The following NKAIN2 variants were observed in gnomAD, a reference collection of about 807,000 sequenced individuals.
The protein encoded by NKAIN2 is sodium/potassium transporting ATPase interacting 2.
NKAIN2 carries 14 observed loss-of-function variants against 32.6 expected under a neutral mutation model. That is an observed-to-expected ratio of 0.43 (90% CI 0.28 to 0.67). The LOEUF (loss-of-function observed/expected upper bound fraction) is 0.67. Among genes scored for constraint, NKAIN2 ranks in the 30% least tolerant of loss-of-function variants. The probability of loss-of-function intolerance (pLI) is 0.17; values close to 1 mark genes in which losing one functional copy is unlikely to be tolerated. For synonymous variants in NKAIN2, 80 were observed against 87.2 expected (o/e 0.92, Z 0.46); for missense variants, 198 against 258.3 (o/e 0.77, Z 1.60).
chr6:124,645,926 A>T (rs1479697529), intron 3 of NKAIN2, among the ~76,000 whole-genome samples: 1 of 152,158 alleles, frequency 6.6e-6, no homozygotes, highest in Non-Finnish European at 1.5e-5. Context: ...GAATAGTGTT[A>T]CCCACTGCCT....
At chr6:123,969,189 G>T (rs937463186) in intron 1 of NKAIN2, among the ~76,000 whole-genome samples, 3 of 152,198 alleles carry the variant, frequency 2.0e-5, no homozygotes, top group Admixed American at 6.6e-5. Context: ...TTTCCAGTGA[G>T]ACTTACCCTG....
chr6:124,370,372 C>T (rs1799703938), intron 3 of NKAIN2, among the ~76,000 whole-genome samples: 1 of 151,872 alleles, frequency 6.6e-6, no homozygotes, highest in Non-Finnish European at 1.5e-5. Flanking sequence ...CAGCCTGATG[C>T]AATCAGAAAG....
At chr6:124,075,794 C>T (rs1582592040) in intron 1 of NKAIN2, among the ~76,000 whole-genome samples, 1 of 152,108 alleles carries the variant, frequency 6.6e-6, no homozygotes, top group East Asian at 1.9e-4. Context: ...CCAAGTTTCC[C>T]CATGTTGGCC....
chr6:124,554,918 C>T (rs966131771), intron 3 of NKAIN2, among the ~76,000 whole-genome samples: 1 of 152,178 alleles, frequency 6.6e-6, no homozygotes, highest in Non-Finnish European at 1.5e-5. Context: ...AACCTGCTGG[C>T]ATCTGCTGCT....
chr6:124,675,477 T>A (rs1773312776), intron 4 of NKAIN2, among the ~76,000 whole-genome samples: 1 of 152,142 alleles, frequency 6.6e-6, no homozygotes, highest in South Asian at 2.1e-4. Context: ...GCATGAATAG[T>A]TCCTTAAATG....
At position 124,469,488 on chromosome 6, in the gene NKAIN2, A is replaced by T. The variant is rs544342686; in HGVS notation, c.273+114141A>T. Among the ~76,000 whole-genome samples the T allele has an allele frequency of 1.2e-3, 185 of 152,304 alleles. 1 individual carries two copies. Among genetic ancestry groups the T allele is most frequent in the African/African-American group, 4.3e-3 (177 of 41,572 alleles). ...AATGAAAAATACTCTCTCTGTTTCT[A>T]ATTCAAGCCATTTTTATTCAGTGTT... On this transcript the variant is annotated intron_variant, in intron 3 of 6. Coordinates refer to ENST00000368417, the MANE Select transcript of NKAIN2 (RefSeq NM_001040214.3).
At chr6:124,807,027 C>A (rs941371769) in intron 5 of NKAIN2, among the ~76,000 whole-genome samples, 19 of 152,132 alleles carry the variant, frequency 1.2e-4, no homozygotes, top group Admixed American at 5.9e-4. Flanking sequence ...TACACTCCCA[C>A]ACATTAATAA....
chr6:124,531,507 C>CT (rs1439650444), intron 3 of NKAIN2, among the ~76,000 whole-genome samples: 3 of 152,020 alleles, frequency 2.0e-5, no homozygotes, highest in Non-Finnish European at 2.9e-5. Flanking sequence ...CTGTGTTTTC[C>CT]TTTTTTGTAG....
intron 1 of NKAIN2, among the ~76,000 whole-genome samples, chr6:124,035,224 T>A (rs1261532821): frequency 1.3e-5 from 2 of 152,108 alleles, no homozygotes; most frequent in African/African-American, 4.8e-5. Context: ...TTTTCCAACA[T>A]AAAACCAATA....
chr6:124,516,226 G>A (rs1300481933), intron 3 of NKAIN2, among the ~76,000 whole-genome samples: 1 of 152,096 alleles, frequency 6.6e-6, no homozygotes, highest in Non-Finnish European at 1.5e-5. Context: ...AATAGAGTAA[G>A]GGAAATTGAT....
At chr6:124,254,073 C>T (rs1352542070) in intron 1 of NKAIN2, among the ~76,000 whole-genome samples, 1 of 152,040 alleles carries the variant, frequency 6.6e-6, no homozygotes, top group Non-Finnish European at 1.5e-5. Flanking sequence ...CCTCGGCCTC[C>T]CAAAGTACTG....
chr6:124,718,956 A>T (rs1448781268), intron 4 of NKAIN2, among the ~76,000 whole-genome samples: 1 of 152,218 alleles, frequency 6.6e-6, no homozygotes, highest in Non-Finnish European at 1.5e-5. Context: ...TAGAGAAAAA[A>T]TTCAATTTAA....
intron 2 of NKAIN2, among the ~76,000 whole-genome samples, chr6:124,314,083 G>A (rs1796836105): frequency 6.6e-6 from 1 of 152,030 alleles, no homozygotes. Context: ...GGAGGGCTAG[G>A]ATGAAAATTT....
At chr6:124,821,051 T>C (rs1288917759) in intron 6 of NKAIN2, among the ~76,000 whole-genome samples, 1 of 152,118 alleles carries the variant, frequency 6.6e-6, no homozygotes, top group Non-Finnish European at 1.5e-5. Flanking sequence ...TCCTAGCACT[T>C]TGGGAGGCCG....
At chr6:124,770,594 T>C (rs1232636037) in intron 4 of NKAIN2, among the ~76,000 whole-genome samples, 1 of 152,162 alleles carries the variant, frequency 6.6e-6, no homozygotes, top group Non-Finnish European at 1.5e-5. Context: ...TCTTATGTAA[T>C]TTACACATTT....
chr6:124,081,253 C>G (rs956428130), intron 1 of NKAIN2, among the ~76,000 whole-genome samples: 8 of 151,972 alleles, frequency 5.3e-5, no homozygotes, highest in African/African-American at 1.7e-4. Context: ...TCAAATCAAT[C>G]TATTAATGTT....
At chr6:124,296,242 A>G (rs976996094) in intron 2 of NKAIN2, among the ~76,000 whole-genome samples, 6 of 152,068 alleles carry the variant, frequency 3.9e-5, no homozygotes, top group Admixed American at 2.0e-4. Context: ...TTATAATAGG[A>G]TATGTACAGA....
intron 3 of NKAIN2, among the ~76,000 whole-genome samples, chr6:124,544,656 C>A (rs775524768): frequency 1.3e-5 from 2 of 150,590 alleles, no homozygotes; most frequent in Non-Finnish European, 3.0e-5. Flanking sequence ...TTTGAAGTGA[C>A]ACTGGGAGGA....
intron 1 of NKAIN2, among the ~76,000 whole-genome samples, chr6:124,121,262 T>G (rs1156990566): frequency 5.3e-5 from 8 of 152,044 alleles, no homozygotes; most frequent in Non-Finnish European, 1.0e-4. Context: ...GAGACGATTT[T>G]CAGTGAGGTC....
Sources: gnomAD v4.1 joint callset for allele counts (sites outside exome capture counted in the v4.1 genomes callset) on GRCh38, gnomAD v4.1.1 for gene constraint, MANE v1.5 for transcripts, NCBI Gene and HGNC (gene_info 2026-07-23, HGNC 2026-07-21) for gene names.